The following GRM5 variants were observed in gnomAD, a reference collection of about 807,000 sequenced individuals.
The protein encoded by GRM5 is glutamate metabotropic receptor 5.
A neutral mutation model predicts 83.1 loss-of-function variants in GRM5; 19 were observed. The observed-to-expected ratio is 0.23, with a 90% CI of 0.16 to 0.34. The LOEUF is 0.34. Ranked by LOEUF, GRM5 falls within the 10% of genes least tolerant of loss-of-function variation. GRM5 has a pLI of 1.00. For synonymous variants in GRM5, 675 were observed against 633.6 expected, an observed-to-expected ratio of 1.07 and a Z score of -0.98; for missense variants, 1,160 against 1,588.3, an observed-to-expected ratio of 0.73 and a Z score of 4.58.
At chr11:88,841,055 T>G (rs2102027) in intron 3 of GRM5, among the ~76,000 whole-genome samples, 66,303 of 151,876 alleles carry the variant, frequency 0.44, 14,740 homozygotes, top group African/African-American at 0.5. Context: ...ATAAGAAAAG[T>G]CATGATCATA....
At chr11:88,586,431 A>G (rs1943317335) in intron 7 of GRM5, among the ~76,000 whole-genome samples, 1 of 152,206 alleles carries the variant, frequency 6.6e-6, no homozygotes, top group Non-Finnish European at 1.5e-5. Flanking sequence ...TTCCTGTCAC[A>G]TAGAAAGCAT....
chr11:89,021,480 C>T (rs1174083495), intron 2 of GRM5, among the ~76,000 whole-genome samples: 1 of 152,042 alleles, frequency 6.6e-6, no homozygotes, highest in Non-Finnish European at 1.5e-5. Flanking sequence ...ATTGGGAGAA[C>T]AGGTGGTATG....
intron 3 of GRM5, among the ~76,000 whole-genome samples, chr11:88,773,159 G>T (rs1033128747): frequency 1.3e-5 from 2 of 152,160 alleles, no homozygotes; most frequent in Non-Finnish European, 2.9e-5. Context: ...GCATGAGATG[G>T]TATCTCATTG....
chr11:88,806,700 G>T (rs913126630), intron 3 of GRM5, among the ~76,000 whole-genome samples: 12 of 152,136 alleles, frequency 7.9e-5, no homozygotes, highest in African/African-American at 2.7e-4. Context: ...CATCTCTGGT[G>T]CTTTTTATTC....
chr11:88,881,282 A>C (rs2135573161), intron 2 of GRM5, among the ~76,000 whole-genome samples: 1 of 152,100 alleles, frequency 6.6e-6, no homozygotes, highest in South Asian at 2.1e-4. Context: ...GATTTTAAAC[A>C]ATTTCTTTAA....
chr11:88,898,180 C>T (rs1945262970), intron 2 of GRM5, among the ~76,000 whole-genome samples: 1 of 151,920 alleles, frequency 6.6e-6, no homozygotes, highest in Non-Finnish European at 1.5e-5. Context: ...GACCTTCTCT[C>T]TGTGTATGTC....
At chr11:88,992,627 A>AC (rs1940020007) in intron 2 of GRM5, among the ~76,000 whole-genome samples, 1 of 151,566 alleles carries the variant, frequency 6.6e-6, no homozygotes, top group Non-Finnish European at 1.5e-5. Flanking sequence ...CAAATGTCCA[A>AC]CAGTGATAGA....
At chr11:88,914,629 C>T (rs1945559496) in intron 2 of GRM5, among the ~76,000 whole-genome samples, 1 of 152,142 alleles carries the variant, frequency 6.6e-6, no homozygotes, top group Admixed American at 6.6e-5. Context: ...ATCCTTGCTG[C>T]CCTGTTTCTC....
intron 1 of GRM5, among the ~76,000 whole-genome samples, chr11:89,050,192 G>T (rs930485712): frequency 1.3e-5 from 2 of 152,140 alleles, no homozygotes; most frequent in African/African-American, 4.8e-5. Flanking sequence ...GGTATGCGAA[G>T]TTTGTTACTT....
In GRM5 at chr11:88,509,346, C is replaced by A; in HGVS notation, c.2885G>T (p.Gly962Val). Residue 962 changes from glycine to valine, a missense_variant, in exon 10 of 10, where the codon GGC becomes GTC. Around this residue, in one of 9 missense-constraint regions of GRM5, gnomAD observed 562 missense variants for 532.4 expected, o/e 1.06. Transcript: ENST00000305447. Reference protein sequence around the residue: ...FPKSTESRGLGAGAGAGGSAG... With the variant: ...FPKSTESRGLVAGAGAGGSAG... ...GCTCCCGCCTGCGCCAGCGCCAGCGCCCAGGCCACGGCTCTCCGTGCTCTT... is the reference window on the plus strand; with the variant it reads ...GCTCCCGCCTGCGCCAGCGCCAGCGACCAGGCCACGGCTCTCCGTGCTCTT... The A allele has an allele frequency of 6.2e-7, 1 of 1,605,976 alleles. No individual in the cohort carries two copies. The highest frequency in any genetic ancestry group is 8.5e-7 in the Non-Finnish European group (1 of 1,177,276).
At chr11:88,665,993 T>C (rs1230126667) in intron 3 of GRM5, among the ~76,000 whole-genome samples, 1 of 152,188 alleles carries the variant, frequency 6.6e-6, no homozygotes, top group African/African-American at 2.4e-5. Flanking sequence ...AGTTCTGGGC[T>C]AGTATTACAT....
intron 2 of GRM5, among the ~76,000 whole-genome samples, chr11:88,992,908 C>T (rs1029381169): frequency 4.0e-5 from 6 of 151,332 alleles, no homozygotes; most frequent in Admixed American, 6.6e-5. Flanking sequence ...GAAGATATAC[C>T]GAATGTAAAT....
chr11:88,824,240 T>C (rs2135512717), intron 3 of GRM5, among the ~76,000 whole-genome samples: 1 of 152,348 alleles, frequency 6.6e-6, no homozygotes, highest in Non-Finnish European at 1.5e-5. Context: ...GAAGTTGTTC[T>C]GATTGGCTTT....
At chr11:88,541,454 G>A (rs530380191) in intron 8 of GRM5, among the ~76,000 whole-genome samples, 9 of 152,202 alleles carry the variant, frequency 5.9e-5, no homozygotes, top group Admixed American at 2.6e-4. Flanking sequence ...ACAGATACAT[G>A]TATATACACA....
At chr11:88,927,003 G>T (rs1375026222) in intron 2 of GRM5, among the ~76,000 whole-genome samples, 3 of 152,122 alleles carry the variant, frequency 2.0e-5, no homozygotes, top group East Asian at 1.9e-4. Context: ...ACAGGAAAAT[G>T]CTATGACCAA....
At chr11:88,873,445 T>C (rs1163132514) in intron 2 of GRM5, among the ~76,000 whole-genome samples, 4 of 151,648 alleles carry the variant, frequency 2.6e-5, no homozygotes, top group Non-Finnish European at 4.4e-5. Context: ...TTCTCCAGGA[T>C]AGACCATATG....
intron 2 of GRM5, among the ~76,000 whole-genome samples, chr11:88,996,463 T>C (rs1443726777): frequency 2.0e-5 from 3 of 152,138 alleles, no homozygotes; most frequent in Admixed American, 6.6e-5. Context: ...TACAGAATGA[T>C]AAAAAAGAGG....
rs567287370 is a variant in GRM5, at chr11:88,566,797, A to G, written c.2630+256T>C. Reference sequence around the variant, plus strand: ...CTAACTCTGCTCTGTCTGCCCTCTCAACCTCACTCCCCCTACGCTGTAACT... The same window carrying G: ...CTAACTCTGCTCTGTCTGCCCTCTCGACCTCACTCCCCCTACGCTGTAACT... On this transcript the variant is annotated intron_variant, in intron 8 of 9. Transcript: ENST00000305447. Among the ~76,000 whole-genome samples, 101 of 152,174 alleles carry G rather than the reference A, an allele frequency of 6.6e-4. 1 individual carries two copies. The highest frequency in any genetic ancestry group is 3.4e-3 in the Middle Eastern group (1 of 294).
At position 88,511,520 on chromosome 11, in the gene GRM5, A is replaced by G. The variant is rs369263917; in HGVS notation, c.2727-2016T>C. On this transcript the variant is annotated intron_variant, in intron 9 of 9. Coordinates refer to ENST00000305447, the MANE Select transcript of GRM5 (RefSeq NM_001143831.3). ...AATTTCTTTCCATGTAATCTACCCA[A>G]TATATTGTAGTCTCATGTCCTTCAG... 1.6e-4 allele frequency among the ~76,000 whole-genome samples: 25 copies of G among 152,010 alleles called. 1 individual carries two copies. In the South Asian group the frequency reaches 5.0e-3, roughly 30 times the overall value.
Sources: gnomAD v4.1 joint callset for allele counts (sites outside exome capture counted in the v4.1 genomes callset) on GRCh38, gnomAD v4.1.1 for gene constraint, gnomAD v4.1.1 regional missense constraint, MANE v1.5 for transcripts, NCBI Gene and HGNC (gene_info 2026-07-23, HGNC 2026-07-21) for gene names.